Variants in HPS1 observed in about 807,000 individuals in gnomAD.
HPS1 encodes HPS1 biogenesis of lysosomal organelles complex 3 subunit 1, also known as BLOC-3 complex member HPS1.
Under a neutral mutation model 90.6 loss-of-function variants are expected in HPS1, and 59 were observed. The ratio of observed to expected loss-of-function variants is 0.65; its 90% CI spans 0.53 to 0.81. HPS1 has a LOEUF of 0.81. Among genes scored for constraint, HPS1 ranks in the 30% least tolerant of loss-of-function variants. The probability of loss-of-function intolerance (pLI) is 0.00; values close to 1 mark genes in which losing one functional copy is unlikely to be tolerated. For synonymous variants in HPS1, 388 were observed against 384.4 expected (o/e 1.01, Z -0.11); for missense variants, 849 against 896.7 (o/e 0.95, Z 0.68).
intron 13 of HPS1, among the ~76,000 whole-genome samples, chr10:98,424,986 G>A (rs567055887): frequency 9.8e-5 from 15 of 152,328 alleles, no homozygotes; most frequent in Middle Eastern, 6.8e-3. Flanking sequence ...CCCCACTGCC[G>A]TCCAGGCCCT....
At chr10:98,437,414 G>A (rs1188747634) in intron 3 of HPS1, among the ~76,000 whole-genome samples, 1 of 152,218 alleles carries the variant, frequency 6.6e-6, no homozygotes, top group Non-Finnish European at 1.5e-5. Context: ...CGTAAAAGCA[G>A]TATAGTCACA....
Position 98,425,943 on chromosome 10 carries a change from C to G in HPS1, c.1030G>C (p.Val344Leu). ...AAGATCCTTCTGGGGCCGGAAGGCA[C>G]AGGGCAGTGGGGAACCAGTGTTTGG... ...TLQTLVPHCP[V>L]PSGPRRIFLD... is the part of the protein sequence containing the mutation. Residue 344 changes from valine to leucine, a missense_variant, in exon 12 of 20, where the codon GTG becomes CTG. Transcript: ENST00000361490. The G allele has an allele frequency of 6.2e-7, 1 of 1,614,130 alleles. No homozygotes were observed.
In HPS1 at chr10:98,435,643, G is replaced by C; in HGVS notation, c.247C>G (p.Leu83Val). The change falls in exon 4 of 20, where the codon CTT becomes GTT. Residue 83 changes from leucine (L) to valine (V), a missense_variant. Transcript: ENST00000361490. This position sits in a 1 kb window ranked among gnomAD's most constrained non-coding sequence, Gnocchi z 4.3. ...CAGAGCTATAGACTCACCAGGTGAA[G>C]GACATACAGGAAGTTGCCATTTTCC... is the stretch of plus-strand genomic sequence containing the variant. The part of the protein sequence containing the change: ...STENGNFLYV[L>V]HLFGECLFIA... 1 of 1,614,212 alleles carries C rather than the reference G, an allele frequency of 6.2e-7. No homozygotes were observed.
At chr10:98,425,477 G>A (rs540168779) in intron 13 of HPS1, 64 bp downstream of exon 13, 68 of 1,518,396 alleles carry the variant, frequency 4.5e-5, no homozygotes, top group Admixed American at 3.6e-4. Flanking sequence ...GCTGTGGACC[G>A]GATGTACCCT....
intron 6 of HPS1, among the ~76,000 whole-genome samples, chr10:98,433,125 AG>A (rs1361100082): frequency 6.6e-6 from 1 of 151,666 alleles, no homozygotes; most frequent in African/African-American, 2.4e-5. Context: ...CCAGCTACTC[AG>A]GAGGCTGAGG....
At chr10:98,424,402 C>T (rs758019548) in intron 13 of HPS1, 28 bp from the exon 14 acceptor site, 1 of 1,598,698 alleles carries the variant, frequency 6.3e-7, no homozygotes, top group East Asian at 2.2e-5. Context: ...GGCAGGTTTG[C>T]ATCCCGACCA....
chr10:98,423,110 T>C (rs1845105367), intron 16 of HPS1, among the ~76,000 whole-genome samples: 1 of 152,190 alleles, frequency 6.6e-6, no homozygotes, highest in Admixed American at 6.5e-5. Flanking sequence ...GGAAAATCAG[T>C]ATTCGATAAA....
intron 8 of HPS1, among the ~76,000 whole-genome samples, chr10:98,430,128 G>A (rs1846222521): frequency 6.6e-6 from 1 of 152,210 alleles, no homozygotes; most frequent in African/African-American, 2.4e-5. Flanking sequence ...CCCTGGTGAT[G>A]AGGTCAACAG....
rs757142456 is a variant in HPS1 at position 98,418,166 on chromosome 10, C to T, written c.1940+9G>A. 65 of 1,587,610 alleles carry T rather than the reference C, an allele frequency of 4.1e-5. No individual in the cohort carries two copies. In the East Asian group the frequency reaches 8.5e-4, roughly 21 times the overall value. ...CATCTGTCCCCAGTGGCTCCCAACG[C>T]AGCGTCACCTGTAGTAGTCTCCTCC... is the stretch of plus-strand genomic sequence containing the variant. On this transcript the variant is annotated intron_variant, in intron 19 of 19. Transcript: ENST00000361490.
chr10:98,425,469 T>C, intron 13 of HPS1, 72 bp downstream of exon 13: 1 of 1,486,250 alleles, frequency 6.7e-7, no homozygotes, highest in Non-Finnish European at 9.2e-7. Context: ...CCTCAGCTGC[T>C]GTGGACCGGA....
chr10:98,443,790 T>C (rs1938903150), intron 2 of HPS1, among the ~76,000 whole-genome samples: 1 of 152,140 alleles, frequency 6.6e-6, no homozygotes, highest in African/African-American at 2.4e-5. Flanking sequence ...CCCAGCACTT[T>C]GGGAGGCCAA....
chr10:98,433,699 G>A (rs1028777032), intron 6 of HPS1, among the ~76,000 whole-genome samples: 3 of 152,162 alleles, frequency 2.0e-5, no homozygotes, highest in Admixed American at 2.0e-4. Flanking sequence ...GGAAAAGGAG[G>A]GGAGGGTTGA....
At chr10:98,442,891 T>G (rs904765725) in intron 3 of HPS1, 2 of 563,272 alleles carry the variant, frequency 3.6e-6, no homozygotes, top group East Asian at 6.1e-5. Flanking sequence ...TTGCCCTCAT[T>G]TAGTCCAGAG....
Position 98,424,387 on chromosome 10 carries a change from CA to C in HPS1, c.1336-14del. 6.2e-7 allele frequency: 1 copy of C among 1,610,972 alleles called. No individual in the cohort carries two copies. The highest frequency in any genetic ancestry group is 8.5e-7 in the Non-Finnish European group (1 of 1,178,412). ...CCAGCCAGGTGCTCTGGAAGGAAGA[CA>C]GGGGGCAGGTTTGCATCCCGACCAT... On this transcript the variant is annotated splice_polypyrimidine_tract_variant and intron_variant, in intron 13 of 19. Transcript: ENST00000361490.
chr10:98,427,190 C>A, intron 11 of HPS1, 25 bp downstream of exon 11: 1 of 1,547,752 alleles, frequency 6.5e-7, no homozygotes, highest in Non-Finnish European at 8.7e-7. Context: ...CAGCTGGCGC[C>A]CAGGCAGGCA....
At chr10:98,442,787 C>T (rs972330277) in intron 3 of HPS1, 27 of 354,192 alleles carry the variant, frequency 7.6e-5, no homozygotes, top group Middle Eastern at 9.5e-4. Context: ...TGATTACAGG[C>T]GTGAGCCACC....
intron 3 of HPS1, among the ~76,000 whole-genome samples, chr10:98,436,976 A>G (rs1847426049): frequency 6.6e-6 from 1 of 152,198 alleles, no homozygotes; most frequent in Non-Finnish European, 1.5e-5. Context: ...TCCAGCTTTC[A>G]CAGTGGCTCC....
chr10:98,445,450 C>G lies in HPS1; in HGVS notation c.-105-46G>C, dbSNP rs1166577573. On this transcript the variant is annotated intron_variant, in intron 1 of 19. Coordinates refer to ENST00000361490, the MANE Select transcript of HPS1 (RefSeq NM_000195.5). This position sits in a 1 kb window ranked among gnomAD's most constrained non-coding sequence, Gnocchi z 4.5. ...GAGAATATGAGGGCAGGCAGATGCCCTGGTCTTGACTGCTGCCCGTTGAGA... is the reference window on the plus strand; with the variant it reads ...GAGAATATGAGGGCAGGCAGATGCCGTGGTCTTGACTGCTGCCCGTTGAGA... 6.6e-6 allele frequency: 1 copy of G among 152,472 alleles called. No homozygotes were observed. Among genetic ancestry groups the G allele is most frequent in the Non-Finnish European group, 1.5e-5 (1 of 68,200 alleles). The allele number at this position is 152,472 out of a possible 1,614,324, so 9.4% of individuals were successfully genotyped here.
chr10:98,429,394 G>A, intron 10 of HPS1, 179 bp downstream of exon 10: 1 of 1,533,254 alleles, frequency 6.5e-7, no homozygotes, highest in Non-Finnish European at 8.8e-7. Context: ...CTTGAGTTCA[G>A]GCTGGAGCTG....
Sources: gnomAD v4.1 joint callset for allele counts (sites outside exome capture counted in the v4.1 genomes callset) on GRCh38, gnomAD v4.1.1 for gene constraint, Gnocchi (gnomAD v3.1) non-coding constraint, MANE v1.5 for transcripts, NCBI Gene and HGNC (gene_info 2026-07-23, HGNC 2026-07-21) for gene names.